Variants in TDRD5 observed in about 807,000 individuals in gnomAD.
The protein encoded by TDRD5 is tudor domain-containing protein 5.
TDRD5 carries 41 observed loss-of-function variants against 120.6 expected under a neutral mutation model. The ratio of observed to expected loss-of-function variants is 0.34; its 90% CI spans 0.26 to 0.44. The LOEUF (loss-of-function observed/expected upper bound fraction) is 0.44. Ranked by LOEUF, TDRD5 falls within the 20% of genes least tolerant of loss-of-function variation. TDRD5 has a pLI of 1.00. For synonymous variants in TDRD5, 430 were observed against 433.7 expected (o/e 0.99, Z 0.11); for missense variants, 1,006 against 1,221.2 (o/e 0.82, Z 2.63).
At chr1:179,594,511 T>C (rs549774850) in intron 3 of TDRD5, among the ~76,000 whole-genome samples, 1 of 152,240 alleles carries the variant, frequency 6.6e-6, no homozygotes, top group African/African-American at 2.4e-5. Context: ...CTCTTATTGC[T>C]GCCCATCCAG....
At position 179,680,612 on chromosome 1, in the gene TDRD5, T is replaced by C. The variant is rs560114364; in HGVS notation, c.2861-10084T>C. The stretch of plus-strand genomic sequence containing the variant: ...CTCCAAATTTCTTTTGATTTGCATT[T>C]GCAGGGCATATTATTGCCATCCTTT... On this transcript the variant is annotated intron_variant, in intron 17 of 17. Coordinates refer to ENST00000444136, the MANE Select transcript of TDRD5 (RefSeq NM_001199085.3). Among the ~76,000 whole-genome samples the C allele has an allele frequency of 7.2e-5, 11 of 152,372 alleles. No individual in the cohort carries two copies. The East Asian group carries it at 2.1e-3, about 29-fold the overall frequency.
chr1:179,610,627 G>A (rs1273520556), intron 4 of TDRD5, among the ~76,000 whole-genome samples: 1 of 152,072 alleles, frequency 6.6e-6, no homozygotes, highest in African/African-American at 2.4e-5. Context: ...AGATGGTTAA[G>A]TACAAAAATT....
At chr1:179,675,270 ATTATTTTTTT>A (rs1680073246) in intron 17 of TDRD5, among the ~76,000 whole-genome samples, 1 of 59,260 alleles carries the variant, frequency 1.7e-5, no homozygotes, top group Non-Finnish European at 3.5e-5. Flanking sequence ...TATTATTATT[ATTATTTTTTT>A]TTTTTTTTTT....
intron 17 of TDRD5, among the ~76,000 whole-genome samples, chr1:179,679,868 G>C (rs918677575): frequency 1.1e-4 from 16 of 151,558 alleles, no homozygotes; most frequent in African/African-American, 3.9e-4. Context: ...TGATTACTTT[G>C]GGCTTAATTT....
intron 8 of TDRD5, 64 bp from the exon 9 acceptor site, chr1:179,635,603 G>T: frequency 1.4e-6 from 2 of 1,431,532 alleles, no homozygotes; most frequent in African/African-American, 1.4e-5. Flanking sequence ...TGTGCTTTGA[G>T]AAACATGCCA....
At chr1:179,606,455 C>G (rs1675988434) in intron 4 of TDRD5, among the ~76,000 whole-genome samples, 2 of 151,986 alleles carry the variant, frequency 1.3e-5, no homozygotes, top group South Asian at 4.1e-4. Context: ...ACCAGGCAAT[C>G]AATTATTTCT....
At chr1:179,687,345 G>C (rs1680780785) in intron 17 of TDRD5, among the ~76,000 whole-genome samples, 1 of 152,204 alleles carries the variant, frequency 6.6e-6, no homozygotes, top group Non-Finnish European at 1.5e-5. Flanking sequence ...CCATGTAGTT[G>C]AGCGGTTTTG....
chr1:179,595,718 C>T lies in TDRD5; in HGVS notation c.731C>T (p.Ser244Leu), dbSNP rs924618594. 1 of 1,613,796 alleles carries T rather than the reference C, an allele frequency of 6.2e-7. No homozygotes were observed. Among genetic ancestry groups the T allele is most frequent in the Middle Eastern group, 1.6e-4 (1 of 6,062 alleles). ...AAGCCATGCTTTTCACAACCCACTT[C>T]AAACATGGAACCACCGAAGCAAATA... is the stretch of plus-strand genomic sequence containing the variant. ...VAKPCFSQPT[S>L]NMEPPKQIMS... Residue 244 changes from serine (S) to leucine (L), a missense_variant, in exon 4 of 18, where the codon TCA becomes TTA. Coordinates refer to ENST00000444136, the MANE Select transcript of TDRD5 (RefSeq NM_001199085.3).
Position 179,612,935 on chromosome 1 carries a change from CAAAA to C in TDRD5, c.832-5646_832-5643del, listed in dbSNP as rs35980053. 3.3e-3 allele frequency among the ~76,000 whole-genome samples: 294 copies of C among 88,448 alleles called. 5 individuals are homozygous for C. The highest frequency in any genetic ancestry group is 0.011 in the African/African-American group (270 of 24,244). The allele number at this position is 88,448 out of a possible 152,430, so 58.0% of individuals were successfully genotyped here. A position where few individuals can be genotyped will look rare whatever the true frequency, so the allele number is the denominator to read the frequency against. ...TGGGTGACAGAGTGAGACTTTGTCT[CAAAA>C]AAAAAAAAAAAAAAAAAGAGTACCC... On this transcript the variant is annotated intron_variant, in intron 4 of 17. Transcript: ENST00000444136.
intron 4 of TDRD5, among the ~76,000 whole-genome samples, chr1:179,612,903 T>C (rs1676355741): frequency 7.0e-6 from 1 of 141,864 alleles, no homozygotes. Context: ...GCCATTGCAC[T>C]GCAGCCTGGG....
intron 7 of TDRD5, among the ~76,000 whole-genome samples, chr1:179,634,149 C>A (rs1286532103): frequency 1.0e-4 from 14 of 139,544 alleles, no homozygotes. Flanking sequence ...CCAGTCTGGG[C>A]AATAGAGCAA....
rs1677181428 is a variant in TDRD5, at chr1:179,627,279, C to T, written c.973-3488C>T. 1.3e-5 allele frequency among the ~76,000 whole-genome samples: 2 copies of T among 152,126 alleles called. 1 individual carries two copies. Among genetic ancestry groups the T allele is most frequent in the South Asian group, 4.1e-4 (2 of 4,824 alleles). Reference sequence around the variant, plus strand: ...AGAATGAACATCAGAAAACCAAAATCACACTAGAGAGACATTGATAAAAGG... The same window carrying T: ...AGAATGAACATCAGAAAACCAAAATTACACTAGAGAGACATTGATAAAAGG... On this transcript the variant is annotated intron_variant, in intron 6 of 17. Coordinates refer to ENST00000444136, the MANE Select transcript of TDRD5 (RefSeq NM_001199085.3).
chr1:179,660,016 C>T (rs1280617175), intron 14 of TDRD5, among the ~76,000 whole-genome samples: 1 of 151,846 alleles, frequency 6.6e-6, no homozygotes, highest in Non-Finnish European at 1.5e-5. Flanking sequence ...ATTTTTTAAT[C>T]CACTCTGACA....
intron 17 of TDRD5, among the ~76,000 whole-genome samples, chr1:179,676,396 A>G (rs1372440633): frequency 6.6e-6 from 1 of 152,090 alleles, no homozygotes; most frequent in African/African-American, 2.4e-5. Flanking sequence ...TCATCATGCT[A>G]TTTGTTGCCT....
chr1:179,609,075 C>T (rs979016905), intron 4 of TDRD5, among the ~76,000 whole-genome samples: 4 of 152,028 alleles, frequency 2.6e-5, no homozygotes, highest in Admixed American at 1.3e-4. Context: ...TAAGAAGAGA[C>T]ACTAGAGAGT....
At chr1:179,688,497 T>G (rs1365965164) in intron 17 of TDRD5, among the ~76,000 whole-genome samples, 1 of 152,226 alleles carries the variant, frequency 6.6e-6, no homozygotes, top group Non-Finnish European at 1.5e-5. Context: ...TAATTTCAAC[T>G]TTGGTGAATC....
chr1:179,609,303 A>G (rs572496962), intron 4 of TDRD5, among the ~76,000 whole-genome samples: 20 of 152,304 alleles, frequency 1.3e-4, no homozygotes, highest in Admixed American at 8.5e-4. Flanking sequence ...AAATTCATAT[A>G]TGTTTCATAT....
intron 4 of TDRD5, among the ~76,000 whole-genome samples, chr1:179,607,287 A>G (rs1039483313): frequency 6.6e-6 from 1 of 152,088 alleles, no homozygotes; most frequent in Non-Finnish European, 1.5e-5. Flanking sequence ...GCATCCTGCA[A>G]CCTTGCTATA....
Position 179,672,815 on chromosome 1 carries a change from G to T in TDRD5, c.2860+3411G>T, listed in dbSNP as rs564418028. 1.8e-3 allele frequency among the ~76,000 whole-genome samples: 268 copies of T among 152,190 alleles called. 1 individual carries two copies. The highest frequency in any genetic ancestry group is 6.0e-3 in the African/African-American group (248 of 41,530). On this transcript the variant is annotated intron_variant, in intron 17 of 17. Coordinates refer to ENST00000444136, the MANE Select transcript of TDRD5 (RefSeq NM_001199085.3). ...ATCTAATTTCATTTTTCTACATGTGGCTTGCCAATTATCCTAGCACCATTT... is the reference window on the plus strand; with the variant it reads ...ATCTAATTTCATTTTTCTACATGTGTCTTGCCAATTATCCTAGCACCATTT...
Sources: allele counts gnomAD v4.1 joint callset (sites outside exome capture counted in the v4.1 genomes callset), GRCh38; gene constraint gnomAD v4.1.1; transcripts MANE v1.5; gene names NCBI Gene and HGNC (gene_info 2026-07-23, HGNC 2026-07-21).